The following ZNF804B variants were observed in gnomAD, a reference collection of about 807,000 sequenced individuals.
ZNF804B encodes zinc finger protein 804B.
In ZNF804B, 80 loss-of-function variants were observed where a neutral mutation model predicts 101.4. That is an observed-to-expected ratio of 0.79 (90% CI 0.66 to 0.95). The LOEUF (loss-of-function observed/expected upper bound fraction) is 0.95. Ranked by LOEUF, ZNF804B falls within the 40% of genes least tolerant of loss-of-function variation. The probability of loss-of-function intolerance (pLI) is 0.00; values close to 1 mark genes in which losing one functional copy is unlikely to be tolerated. For synonymous variants in ZNF804B, 622 were observed against 558.8 expected, an observed-to-expected ratio of 1.11 and a Z score of -1.59; for missense variants, 1,673 against 1,561.9, an observed-to-expected ratio of 1.07 and a Z score of -1.20.
rs1481407901 is a variant in ZNF804B at position 89,178,617 on chromosome 7, GT to G, written c.109-39535del. On this transcript the variant is annotated intron_variant, in intron 1 of 3. Coordinates refer to ENST00000333190, the MANE Select transcript of ZNF804B (RefSeq NM_181646.5). ...GTTTCTTTTTGTGTCTTATTATACT[GT>G]TTATATCTTGAAAAGTTGTCACAGT... is the stretch of plus-strand genomic sequence containing the variant. 3.3e-5 allele frequency among the ~76,000 whole-genome samples: 5 copies of G among 151,872 alleles called. No homozygotes were observed. In the East Asian group the frequency reaches 9.6e-4, roughly 29 times the overall value.
At chr7:89,091,305 A>T (rs1456006288) in intron 1 of ZNF804B, among the ~76,000 whole-genome samples, 1 of 152,180 alleles carries the variant, frequency 6.6e-6, no homozygotes, top group Non-Finnish European at 1.5e-5. Context: ...AAAGAGAGAA[A>T]AACAATTTCC....
rs1425837481 is a variant in ZNF804B at position 89,221,707 on chromosome 7, T to TTCTATTCTAG, written c.249+3421_249+3422insGTCTATTCTA. Among the ~76,000 whole-genome samples, 77 of 127,380 alleles carry TTCTATTCTAG rather than the reference T, an allele frequency of 6.0e-4. 2 individuals are homozygous for TTCTATTCTAG. In the East Asian group the frequency reaches 0.011, roughly 18 times the overall value. 83.6% of individuals were successfully genotyped at this position (127,380 alleles called of 152,430 possible). ...TCCTCAATATTTCTATTCTATTCTATTCTATTCTATTCTATTCTATTCTAT... is the reference window on the plus strand; with the variant it reads ...TCCTCAATATTTCTATTCTATTCTATTCTATTCTAGTCTATTCTATTCTATTCTATTCTAT... On this transcript the variant is annotated intron_variant, in intron 2 of 3. Transcript: ENST00000333190.
chr7:88,965,716 CCG>C (rs1793444178), intron 1 of ZNF804B, among the ~76,000 whole-genome samples: 1 of 151,412 alleles, frequency 6.6e-6, no homozygotes, highest in South Asian at 2.1e-4. Flanking sequence ...TGAATCACTG[CCG>C]TATCTTTTTC....
chr7:89,154,331 C>T lies in ZNF804B; in HGVS notation c.109-63824C>T, dbSNP rs1467418326. Among the ~76,000 whole-genome samples the T allele has an allele frequency of 9.9e-5, 15 of 152,202 alleles. No individual in the cohort carries two copies. The East Asian group carries it at 2.9e-3, about 29-fold the overall frequency. On this transcript the variant is annotated intron_variant, in intron 1 of 3. Transcript: ENST00000333190. ...TATAGAGGACAGTTTGGAGTTTCCT[C>T]AAAAAACCAAAATTAGAGCTACCAT...
chr7:88,817,241 G>A (rs768558463), intron 1 of ZNF804B, among the ~76,000 whole-genome samples: 1 of 152,150 alleles, frequency 6.6e-6, no homozygotes, highest in South Asian at 2.1e-4. Context: ...TGGGATGGGG[G>A]GATGGGGGAG....
intron 1 of ZNF804B, among the ~76,000 whole-genome samples, chr7:88,929,941 C>T (rs1562834992): frequency 6.6e-6 from 1 of 150,990 alleles, no homozygotes; most frequent in East Asian, 1.9e-4. Flanking sequence ...CTCGAACTTT[C>T]AAAAAAAATG....
chr7:89,185,420 A>G (rs1788361037), intron 1 of ZNF804B, among the ~76,000 whole-genome samples: 1 of 152,182 alleles, frequency 6.6e-6, no homozygotes, highest in South Asian at 2.1e-4. Flanking sequence ...GGGAACAGAG[A>G]GAACACCCCT....
rs1008251051 is a variant in ZNF804B at position 88,955,077 on chromosome 7, T to A, written c.108+194993T>A. 7.4e-5 allele frequency among the ~76,000 whole-genome samples: 11 copies of A among 148,526 alleles called. No individual in the cohort carries two copies. In the East Asian group the frequency reaches 1.8e-3, roughly 24 times the overall value. On this transcript the variant is annotated intron_variant, in intron 1 of 3. Transcript: ENST00000333190. Reference sequence around the variant, plus strand: ...GGAGTTTAAACCAGCATGGGCAATATCGTGAGCCCTTGTCTCTATTTAAAA... The same window carrying A: ...GGAGTTTAAACCAGCATGGGCAATAACGTGAGCCCTTGTCTCTATTTAAAA...
At chr7:89,295,262 T>C (rs946861048) in intron 2 of ZNF804B, among the ~76,000 whole-genome samples, 1 of 152,138 alleles carries the variant, frequency 6.6e-6, no homozygotes, top group African/African-American at 2.4e-5. Flanking sequence ...ACCCTATATT[T>C]GTTGTAGGAG....
intron 1 of ZNF804B, among the ~76,000 whole-genome samples, chr7:89,201,767 G>T (rs7777559): frequency 3.0e-3 from 457 of 151,956 alleles, no homozygotes; most frequent in Non-Finnish European, 5.4e-3. Context: ...TATTTCTCAG[G>T]AATACTTTGG....
intron 2 of ZNF804B, among the ~76,000 whole-genome samples, chr7:89,286,982 C>T (rs1042580367): frequency 2.0e-5 from 3 of 152,104 alleles, no homozygotes; most frequent in African/African-American, 7.2e-5. Context: ...GCCGACCCCT[C>T]CTTTTCCTCC....
chr7:89,196,876 A>G (rs976391994), intron 1 of ZNF804B, among the ~76,000 whole-genome samples: 1 of 152,150 alleles, frequency 6.6e-6, no homozygotes, highest in Non-Finnish European at 1.5e-5. Context: ...AAAGCTCAAC[A>G]TCACTGATCA....
chr7:89,003,660 A>C (rs529590991), intron 1 of ZNF804B, among the ~76,000 whole-genome samples: 7 of 152,000 alleles, frequency 4.6e-5, no homozygotes, highest in Non-Finnish European at 7.4e-5. Flanking sequence ...TTATTACTAA[A>C]TGGATGCCAG....
intron 1 of ZNF804B, among the ~76,000 whole-genome samples, chr7:89,050,010 T>C (rs911053753): frequency 6.6e-6 from 1 of 152,102 alleles, no homozygotes; most frequent in Non-Finnish European, 1.5e-5. Context: ...AAACTCTGTC[T>C]CAAAACAAAA....
At chr7:88,984,268 G>A (rs1793730348) in intron 1 of ZNF804B, among the ~76,000 whole-genome samples, 1 of 152,050 alleles carries the variant, frequency 6.6e-6, no homozygotes. Context: ...ATATCTAGCA[G>A]CAGCTTAGTG....
intron 2 of ZNF804B, among the ~76,000 whole-genome samples, chr7:89,298,201 AGTGTG>A (rs1790414842): frequency 4.2e-5 from 3 of 71,548 alleles, no homozygotes; most frequent in Admixed American, 2.0e-4. Flanking sequence ...ATATCTATAT[AGTGTG>A]TGTGTGTGTG....
Position 89,220,150 on chromosome 7 carries a change from C to CAT in ZNF804B, c.249+1865_249+1866dup, listed in dbSNP as rs1554380284. On this transcript the variant is annotated intron_variant, in intron 2 of 3. Transcript: ENST00000333190. ...ACGCACACATATATGTGTGTATATA[C>CAT]ATATATATATACGCACATATATATG... 2.0e-4 allele frequency among the ~76,000 whole-genome samples: 10 copies of CAT among 50,242 alleles called. 3 individuals are homozygous for CAT. The highest frequency in any genetic ancestry group is 1.1e-3 in the South Asian group (2 of 1,802). 33.0% of individuals were successfully genotyped at this position (50,242 alleles called of 152,430 possible).
intron 1 of ZNF804B, among the ~76,000 whole-genome samples, chr7:89,166,446 TAGTA>T (rs1185777951): frequency 1.3e-5 from 2 of 152,186 alleles, no homozygotes; most frequent in Non-Finnish European, 2.9e-5. Context: ...GGAAAAATGT[TAGTA>T]AGAAGATCAT....
chr7:88,837,753 TTTC>T lies in ZNF804B; in HGVS notation c.108+77673_108+77675del, dbSNP rs533600659. 2.6e-5 allele frequency among the ~76,000 whole-genome samples: 4 copies of T among 151,918 alleles called. No homozygotes were observed. In the South Asian group the frequency reaches 8.3e-4, roughly 31 times the overall value. On this transcript the variant is annotated intron_variant, in intron 1 of 3. Transcript: ENST00000333190. Reference sequence around the variant, plus strand: ...ACTGCGTATCTATGTGAGACTGAATTTTCTTCAAGTACTTCAAAATAACATATT... The same window carrying T: ...ACTGCGTATCTATGTGAGACTGAATTTTCAAGTACTTCAAAATAACATATT...
Sources: allele counts gnomAD v4.1 joint callset (sites outside exome capture counted in the v4.1 genomes callset), GRCh38; gene constraint gnomAD v4.1.1; transcripts MANE v1.5; gene names NCBI Gene and HGNC (gene_info 2026-07-23, HGNC 2026-07-21).